SLC39A11: variants seen among roughly 807,000 people sequenced by gnomAD.
The protein encoded by SLC39A11 is solute carrier family 39 member 11.
Under a neutral mutation model 36.1 loss-of-function variants are expected in SLC39A11, and 33 were observed. That is an observed-to-expected ratio of 0.91 (90% confidence interval 0.69 to 1.22). The LOEUF is 1.22. Ranked by LOEUF, SLC39A11 falls within the 50% of genes most tolerant of loss-of-function variation. The pLI, the probability that SLC39A11 is intolerant of heterozygous loss-of-function variation, is 0.00. For synonymous variants in SLC39A11, 166 were observed against 170.3 expected (o/e 0.97, Z 0.20); for missense variants, 432 against 430.3 (o/e 1.00, Z -0.03).
intron 6 of SLC39A11, among the ~76,000 whole-genome samples, chr17:72,812,149 A>G (rs977113541): frequency 4.6e-5 from 7 of 152,338 alleles, no homozygotes; most frequent in Admixed American, 4.6e-4. Context: ...GAAAAATAAG[A>G]AAAAATAAGA....
intron 5 of SLC39A11, among the ~76,000 whole-genome samples, chr17:72,921,968 G>A (rs2083690791): frequency 6.6e-6 from 1 of 152,188 alleles, no homozygotes; most frequent in Admixed American, 6.5e-5. Context: ...TGTTATCTGA[G>A]TCCTAGTGTG....
At chr17:72,851,929 G>A (rs182246159) in intron 5 of SLC39A11, among the ~76,000 whole-genome samples, 8 of 152,086 alleles carry the variant, frequency 5.3e-5, no homozygotes, top group Admixed American at 3.3e-4. Context: ...GTGGCCAGGC[G>A]CAGTAGCTCA....
intron 1 of SLC39A11, chr17:73,089,793 G>A (rs1216328266): frequency 2.0e-5 from 3 of 152,186 alleles, no homozygotes; most frequent in Admixed American, 6.5e-5. Flanking sequence ...CCCTGCTGCT[G>A]AAGCTGAAGT....
chr17:72,900,747 T>G (rs2082353821), intron 5 of SLC39A11, among the ~76,000 whole-genome samples: 1 of 152,156 alleles, frequency 6.6e-6, no homozygotes, highest in Admixed American at 6.5e-5. Context: ...CTGCAGTTAT[T>G]AATGCAACAA....
chr17:72,869,823 A>G (rs1371654505), intron 5 of SLC39A11, among the ~76,000 whole-genome samples: 1 of 152,244 alleles, frequency 6.6e-6, no homozygotes, highest in African/African-American at 2.4e-5. Flanking sequence ...TAAAATGCAA[A>G]TAGAACAGAA....
intron 5 of SLC39A11, among the ~76,000 whole-genome samples, chr17:72,911,963 C>G (rs2083030409): frequency 6.6e-6 from 1 of 152,028 alleles, no homozygotes; most frequent in Non-Finnish European, 1.5e-5. Context: ...AAATTTCTAA[C>G]AAGCAGTTGA....
intron 6 of SLC39A11, among the ~76,000 whole-genome samples, chr17:72,788,254 T>G (rs1598739286): frequency 6.6e-6 from 1 of 152,230 alleles, no homozygotes; most frequent in Non-Finnish European, 1.5e-5. Context: ...CTCTCTGCTA[T>G]GCATCCATGC....
chr17:72,937,304 A>G (rs1304843632), intron 5 of SLC39A11, among the ~76,000 whole-genome samples: 3 of 151,860 alleles, frequency 2.0e-5, no homozygotes. Flanking sequence ...AAAGTACAAA[A>G]ATTAGCTGGG....
In SLC39A11 at chr17:73,070,538, T is replaced by C. The variant is rs181654551; in HGVS notation, c.147+14270A>G. Among the ~76,000 whole-genome samples, 3 of 152,322 alleles carry C rather than the reference T, an allele frequency of 2.0e-5. No homozygotes were observed. In the South Asian group the frequency reaches 6.2e-4, roughly 32 times the overall value. ...TCTGCTTTTTCCAAACACCAGCTCA[T>C]CCTTCATTAAACCATGATCCCGATT... On this transcript the variant is annotated intron_variant, in intron 3 of 9. Coordinates refer to ENST00000255559, the MANE Select transcript of SLC39A11 (RefSeq NM_139177.4).
intron 6 of SLC39A11, among the ~76,000 whole-genome samples, chr17:72,779,048 C>T (rs918258695): frequency 6.6e-6 from 1 of 152,200 alleles, no homozygotes; most frequent in Non-Finnish European, 1.5e-5. Context: ...AGAACACCCA[C>T]TTTTTGGGGC....
chr17:72,703,302 C>T (rs913801292), intron 7 of SLC39A11, among the ~76,000 whole-genome samples: 2 of 152,206 alleles, frequency 1.3e-5, no homozygotes, highest in Admixed American at 1.3e-4. Context: ...CCAAATCCCT[C>T]TACACTCAAG....
intron 6 of SLC39A11, among the ~76,000 whole-genome samples, chr17:72,772,540 GCTGT>G (rs1232514793): frequency 6.6e-6 from 1 of 152,140 alleles, no homozygotes; most frequent in Admixed American, 6.5e-5. Context: ...TTAAGAAAAT[GCTGT>G]CTGTCTCCCA....
In SLC39A11 at chr17:72,846,018, C is replaced by CTTTT. The variant is rs569100122; in HGVS notation, c.601+3612_601+3615dup. Among the ~76,000 whole-genome samples, 80 of 57,952 alleles carry CTTTT rather than the reference C, an allele frequency of 1.4e-3. 7 individuals carry two copies. Among genetic ancestry groups the CTTTT allele is most frequent in the African/African-American group, 4.9e-3 (57 of 11,708 alleles). 38.0% of individuals were successfully genotyped at this position (57,952 alleles called of 152,430 possible). A position where few individuals can be genotyped will look rare whatever the true frequency, so the allele number is the denominator to read the frequency against. On this transcript the variant is annotated intron_variant, in intron 6 of 9. Coordinates refer to ENST00000255559, the MANE Select transcript of SLC39A11 (RefSeq NM_139177.4). The stretch of plus-strand genomic sequence containing the variant: ...CCAATGAATCTCTCTCTCTCTCTCT[C>CTTTT]TTTTTTTTTTTTTTTTTTTTTTTTT...
intron 4 of SLC39A11, among the ~76,000 whole-genome samples, chr17:72,962,783 C>T (rs899583565): frequency 2.6e-5 from 4 of 152,280 alleles, no homozygotes; most frequent in Middle Eastern, 3.4e-3. Context: ...GTGGTCCACC[C>T]GCCTCAGCCT....
intron 6 of SLC39A11, among the ~76,000 whole-genome samples, chr17:72,828,774 C>T (rs1375838993): frequency 6.6e-6 from 1 of 152,130 alleles, no homozygotes; most frequent in Non-Finnish European, 1.5e-5. Flanking sequence ...CCAGGTGCTG[C>T]TGGAGCAGGA....
chr17:72,825,687 G>A (rs1216653602), intron 6 of SLC39A11, among the ~76,000 whole-genome samples: 1 of 152,242 alleles, frequency 6.6e-6, no homozygotes, highest in Non-Finnish European at 1.5e-5. Context: ...CCAAGGCCCT[G>A]GGATTCCACC....
chr17:72,885,710 C>T (rs2081407531), intron 5 of SLC39A11, among the ~76,000 whole-genome samples: 1 of 152,152 alleles, frequency 6.6e-6, no homozygotes, highest in South Asian at 2.1e-4. Context: ...TTGGCCCAGC[C>T]ACCTTTTTAC....
chr17:73,022,135 C>G (rs73350924), intron 4 of SLC39A11, among the ~76,000 whole-genome samples: 1,702 of 152,356 alleles, frequency 0.011, 43 homozygotes, highest in East Asian at 0.033. Context: ...GTGTACACAG[C>G]TAACACACAT....
At chr17:73,083,850 C>A (rs1363906065) in intron 3 of SLC39A11, among the ~76,000 whole-genome samples, 1 of 152,130 alleles carries the variant, frequency 6.6e-6, no homozygotes. Context: ...TGAAGAAAAT[C>A]TGAATATGGA....
Sources: allele counts gnomAD v4.1 joint callset (sites outside exome capture counted in the v4.1 genomes callset), GRCh38; gene constraint gnomAD v4.1.1; transcripts MANE v1.5; gene names NCBI Gene and HGNC (gene_info 2026-07-23, HGNC 2026-07-21).